The following CNTN3 variants were observed in gnomAD, a reference collection of about 807,000 sequenced individuals.
CNTN3 encodes the protein contactin 3, also known as contactin-3.
A neutral mutation model predicts 119.1 loss-of-function variants in CNTN3; 60 were observed. The observed-to-expected ratio is 0.50, with a 90% confidence interval of 0.41 to 0.62. The LOEUF (loss-of-function observed/expected upper bound fraction) is 0.62. CNTN3 is among the 20% of genes least tolerant of loss of function. The pLI is 0.00. For synonymous variants in CNTN3, 450 were observed against 438.7 expected, an observed-to-expected ratio of 1.03 and a Z score of -0.32; for missense variants, 1,101 against 1,242.4, an observed-to-expected ratio of 0.89 and a Z score of 1.71.
intron 1 of CNTN3, among the ~76,000 whole-genome samples, chr3:74,538,068 T>C (rs1703790733): frequency 6.6e-6 from 1 of 152,028 alleles, no homozygotes; most frequent in South Asian, 2.1e-4. Context: ...TGTGACAGGA[T>C]ACCTGGGGAA....
intron 1 of CNTN3, among the ~76,000 whole-genome samples, chr3:74,567,741 T>C (rs1385195990): frequency 1.3e-5 from 2 of 152,052 alleles, no homozygotes; most frequent in Non-Finnish European, 1.5e-5. Flanking sequence ...CAGAATAGCA[T>C]GGAGGAGATA....
chr3:74,332,833 T>C (rs945811922), intron 13 of CNTN3, among the ~76,000 whole-genome samples: 1 of 152,220 alleles, frequency 6.6e-6, no homozygotes, highest in Admixed American at 6.5e-5. Context: ...TAATTAAAAG[T>C]AGTAGAAGAG....
intron 1 of CNTN3, among the ~76,000 whole-genome samples, chr3:74,584,379 T>C (rs573598851): frequency 2.0e-5 from 3 of 152,182 alleles, no homozygotes; most frequent in East Asian, 3.9e-4. Context: ...ATCCCCAATG[T>C]AGGAGGTGGG....
chr3:74,317,404 C>T (rs536948405), intron 13 of CNTN3, among the ~76,000 whole-genome samples: 225 of 152,206 alleles, frequency 1.5e-3, no homozygotes, highest in African/African-American at 4.4e-3. Flanking sequence ...TTATTTTGCT[C>T]GTTAGTTGAT....
intron 4 of CNTN3, among the ~76,000 whole-genome samples, chr3:74,458,245 T>C (rs1251244626): frequency 1.3e-5 from 2 of 152,018 alleles, no homozygotes; most frequent in Non-Finnish European, 2.9e-5. Flanking sequence ...TATAAAGTCA[T>C]TAATAATAAA....
intron 1 of CNTN3, among the ~76,000 whole-genome samples, chr3:74,567,115 G>A (rs887824361): frequency 6.6e-6 from 1 of 151,842 alleles, no homozygotes. Context: ...TCTACCACAG[G>A]AGCCTTATAA....
At chr3:74,409,979 G>A (rs1026993593) in intron 5 of CNTN3, among the ~76,000 whole-genome samples, 1 of 152,266 alleles carries the variant, frequency 6.6e-6, no homozygotes, top group Non-Finnish European at 1.5e-5. Flanking sequence ...CCAAGGATCA[G>A]AAAGAAGTCA....
chr3:74,314,612 G>A (rs2323490), intron 13 of CNTN3, among the ~76,000 whole-genome samples: 7 of 152,136 alleles, frequency 4.6e-5, no homozygotes, highest in African/African-American at 1.4e-4. Context: ...AATTCTTTAC[G>A]TGTATTTACC....
At chr3:74,468,351 A>G (rs565257943) in intron 4 of CNTN3, among the ~76,000 whole-genome samples, 3 of 152,348 alleles carry the variant, frequency 2.0e-5, no homozygotes, top group Admixed American at 2.0e-4. Context: ...CCAAGGCTAC[A>G]TATCAAAGAA....
intron 4 of CNTN3, among the ~76,000 whole-genome samples, chr3:74,444,319 G>A (rs1462387496): frequency 1.3e-5 from 2 of 151,878 alleles, no homozygotes; most frequent in Admixed American, 1.3e-4. Context: ...CATAACAAGT[G>A]GTGAATAATA....
At chr3:74,549,288 C>G (rs950881945) in intron 1 of CNTN3, among the ~76,000 whole-genome samples, 1 of 152,174 alleles carries the variant, frequency 6.6e-6, no homozygotes, top group Non-Finnish European at 1.5e-5. Context: ...GCTTCCCCTT[C>G]GCCCTTCCGT....
At chr3:74,305,578 G>C (rs1213481573) in intron 13 of CNTN3, among the ~76,000 whole-genome samples, 1 of 151,958 alleles carries the variant, frequency 6.6e-6, no homozygotes, top group Non-Finnish European at 1.5e-5. Flanking sequence ...AAAAATGAAT[G>C]AACTGCAACT....
intron 4 of CNTN3, among the ~76,000 whole-genome samples, chr3:74,481,831 C>T (rs1247875945): frequency 6.6e-6 from 1 of 151,126 alleles, no homozygotes; most frequent in Non-Finnish European, 1.5e-5. Context: ...TAAAAGTGTA[C>T]CAAGATAATA....
At chr3:74,389,680 G>T (rs1035600990) in intron 5 of CNTN3, among the ~76,000 whole-genome samples, 22 of 152,064 alleles carry the variant, frequency 1.4e-4, no homozygotes, top group Non-Finnish European at 2.6e-4. Context: ...GCCCATAAAG[G>T]TGACAGATCT....
chr3:74,507,095 G>A (rs992725495), intron 2 of CNTN3, among the ~76,000 whole-genome samples: 7 of 152,074 alleles, frequency 4.6e-5, no homozygotes, highest in African/African-American at 1.4e-4. Context: ...AATTCCTTTT[G>A]TAAATTAGTT....
At chr3:74,499,154 C>T (rs1703117190) in intron 3 of CNTN3, among the ~76,000 whole-genome samples, 1 of 151,494 alleles carries the variant, frequency 6.6e-6, no homozygotes, top group Non-Finnish European at 1.5e-5. Context: ...TAGACTTTAA[C>T]TTGATATACA....
At chr3:74,272,216 A>C (rs1701791489) in intron 20 of CNTN3, among the ~76,000 whole-genome samples, 1 of 152,204 alleles carries the variant, frequency 6.6e-6, no homozygotes, top group African/African-American at 2.4e-5. Context: ...ATAATGTTTT[A>C]AGAAAGTTTA....
chr3:74,474,121 C>T (rs6549599), intron 4 of CNTN3, among the ~76,000 whole-genome samples: 105,869 of 151,920 alleles, frequency 0.7, 37,167 homozygotes, highest in African/African-American at 0.77. Flanking sequence ...AGGTGAGAGG[C>T]GAGCTGACTC....
intron 1 of CNTN3, among the ~76,000 whole-genome samples, chr3:74,556,058 A>T (rs1197693608): frequency 6.6e-6 from 1 of 152,084 alleles, no homozygotes; most frequent in Non-Finnish European, 1.5e-5. Flanking sequence ...ACAGCCCTTT[A>T]TCAGAAATGC....
Sources: allele counts gnomAD v4.1 joint callset (sites outside exome capture counted in the v4.1 genomes callset), GRCh38; gene constraint gnomAD v4.1.1; transcripts MANE v1.5; gene names NCBI Gene and HGNC (gene_info 2026-07-23, HGNC 2026-07-21).